DLGAP2: variants seen among roughly 807,000 people sequenced by gnomAD.
DLGAP2 encodes DLG associated protein 2, also known as disks large-associated protein 2.
Under a neutral mutation model 100.3 loss-of-function variants are expected in DLGAP2, and 26 were observed. That is an observed-to-expected ratio of 0.26 (90% CI 0.19 to 0.36). The LOEUF (loss-of-function observed/expected upper bound fraction) is 0.36, where lower values mean the gene tolerates loss of function less well. Ranked by LOEUF, DLGAP2 falls within the 10% of genes least tolerant of loss-of-function variation. DLGAP2 has a pLI of 1.00. For missense variants in DLGAP2, 1,858 were observed against 1,453.2 expected (o/e 1.28, Z -4.53); for synonymous variants, 886 against 630.1 (o/e 1.41, Z -6.08).
intron 1 of DLGAP2, among the ~76,000 whole-genome samples, chr8:768,413 C>T (rs1410405798): frequency 2.1e-5 from 3 of 141,054 alleles, no homozygotes; most frequent in South Asian, 2.3e-4. Flanking sequence ...GGAGGGAAGG[C>T]GTTGATTTTT....
chr8:1,625,807 T>C (rs1438192356), intron 6 of DLGAP2, among the ~76,000 whole-genome samples: 1 of 152,254 alleles, frequency 6.6e-6, no homozygotes, highest in East Asian at 1.9e-4. Context: ...ATTTTGTAAA[T>C]AGCCTCCCCT....
intron 1 of DLGAP2, chr8:822,059 C>G (rs530988670): frequency 5.0e-6 from 2 of 398,842 alleles, no homozygotes; most frequent in Non-Finnish European, 8.8e-6. Flanking sequence ...CTTTTTATCA[C>G]ATTTTCCCCA....
intron 3 of DLGAP2, among the ~76,000 whole-genome samples, chr8:1,299,369 G>T (rs1800275103): frequency 6.6e-6 from 1 of 152,222 alleles, no homozygotes; most frequent in Non-Finnish European, 1.5e-5. Context: ...GTGAAATCTG[G>T]AAACAGATTC....
intron 3 of DLGAP2, among the ~76,000 whole-genome samples, chr8:1,421,329 A>T (rs1056920516): frequency 2.6e-5 from 4 of 152,164 alleles, no homozygotes; most frequent in African/African-American, 9.7e-5. Context: ...TAGGCCTTGC[A>T]TACATTAGAA....
chr8:823,828 G>T (rs905950596), intron 1 of DLGAP2, among the ~76,000 whole-genome samples: 1 of 152,184 alleles, frequency 6.6e-6, no homozygotes, highest in Non-Finnish European at 1.5e-5. Flanking sequence ...GACGGGGGAG[G>T]TCAAGAGTCT....
chr8:1,179,197 C>G (rs902737699), intron 2 of DLGAP2, among the ~76,000 whole-genome samples: 4 of 152,216 alleles, frequency 2.6e-5, no homozygotes, highest in African/African-American at 7.2e-5. Flanking sequence ...ATGGCAAAGC[C>G]TGTTGTTTTT....
chr8:1,240,696 CTCTCACATGGTGACGTGT>C (rs1388457754), intron 2 of DLGAP2, among the ~76,000 whole-genome samples: 1 of 150,684 alleles, frequency 6.6e-6, no homozygotes, highest in Non-Finnish European at 1.5e-5. Flanking sequence ...ATGTCTGGTT[CTCTCACATGGTGACGTGT>C]CTAGTTCTCT....
chr8:977,132 C>T (rs1029598172), intron 2 of DLGAP2, among the ~76,000 whole-genome samples: 61 of 152,212 alleles, frequency 4.0e-4, no homozygotes, highest in African/African-American at 1.5e-3. Context: ...TCTTGCATTT[C>T]TTCACCTCTC....
chr8:1,601,945 G>GGTGTGTGT (rs55762722), intron 6 of DLGAP2, among the ~76,000 whole-genome samples: 33,078 of 145,990 alleles, frequency 0.23, 3,888 homozygotes, highest in East Asian at 0.29. Context: ...AATTTAACAG[G>GGTGTGTGT]GTGTGTGTGT....
At chr8:1,380,515 G>A (rs1432272210) in intron 3 of DLGAP2, among the ~76,000 whole-genome samples, 1 of 151,158 alleles carries the variant, frequency 6.6e-6, no homozygotes, top group East Asian at 2.0e-4. Flanking sequence ...CTTGTGATAA[G>A]CGAGGCTTTT....
In DLGAP2 at chr8:1,548,795, C is replaced by G. The variant is rs770241927; in HGVS notation, c.342C>G (p.Pro114=). The G allele has an allele frequency of 5.7e-6, 9 of 1,582,424 alleles. No homozygotes were observed. The highest frequency in any genetic ancestry group is 7.7e-6 in the Non-Finnish European group (9 of 1,167,886). ...PEDCEHLHHG[P]DARPPYLLSP... ...ACTGCGAGCACCTGCACCACGGGCC[C>G]GACGCGCGGCCGCCCTACCTGCTGA... Residue 114 remains proline (P), a synonymous_variant, in exon 5 of 15, where the codon CCC becomes CCG. Transcript: ENST00000637795.
intron 2 of DLGAP2, among the ~76,000 whole-genome samples, chr8:1,056,234 A>T (rs550294946): frequency 2.0e-5 from 3 of 152,328 alleles, no homozygotes; most frequent in East Asian, 1.9e-4. Flanking sequence ...TGTGTGGCAT[A>T]GTTTTACAAG....
intron 1 of DLGAP2, among the ~76,000 whole-genome samples, chr8:898,349 A>G (rs1798186733): frequency 6.6e-6 from 1 of 152,152 alleles, no homozygotes; most frequent in Admixed American, 6.5e-5. Context: ...CTTACAAAGC[A>G]CACGCATCTC....
intron 3 of DLGAP2, among the ~76,000 whole-genome samples, chr8:1,364,830 C>G (rs576005963): frequency 6.6e-6 from 1 of 152,284 alleles, no homozygotes; most frequent in East Asian, 1.9e-4. Flanking sequence ...TGGGGAGGCT[C>G]CCAGGGCTTT....
intron 2 of DLGAP2, among the ~76,000 whole-genome samples, chr8:1,187,829 T>C (rs1391578799): frequency 4.1e-3 from 240 of 58,358 alleles, no homozygotes; most frequent in Admixed American, 4.3e-3. Context: ...ACTTCCGTGA[T>C]GTTTCCCTCA....
At chr8:1,532,066 T>C (rs912297929) in intron 4 of DLGAP2, among the ~76,000 whole-genome samples, 7 of 152,226 alleles carry the variant, frequency 4.6e-5, no homozygotes, top group African/African-American at 1.4e-4. Flanking sequence ...TTGCATTCTT[T>C]TGAGTTTCTG....
intron 1 of DLGAP2, among the ~76,000 whole-genome samples, chr8:833,727 C>G (rs1463783620): frequency 6.6e-6 from 1 of 152,162 alleles, no homozygotes; most frequent in Non-Finnish European, 1.5e-5. Context: ...GGTCATTATT[C>G]TGCTGCCAGA....
intron 2 of DLGAP2, among the ~76,000 whole-genome samples, chr8:998,803 T>A (rs1296098532): frequency 6.6e-6 from 1 of 152,206 alleles, no homozygotes; most frequent in African/African-American, 2.4e-5. Context: ...ATATACTGTT[T>A]CACTGTCCTC....
At chr8:951,462 G>C (rs547248609) in intron 2 of DLGAP2, among the ~76,000 whole-genome samples, 138 of 152,154 alleles carry the variant, frequency 9.1e-4, no homozygotes, top group Non-Finnish European at 1.8e-3. Context: ...TGTTGGCCAG[G>C]TGGGTCTTGA....
Sources: allele counts gnomAD v4.1 joint callset (sites outside exome capture counted in the v4.1 genomes callset), GRCh38; gene constraint gnomAD v4.1.1; transcripts MANE v1.5; gene names NCBI Gene and HGNC (gene_info 2026-07-23, HGNC 2026-07-21).